The following DAP variants were observed in gnomAD, a reference collection of about 807,000 sequenced individuals.
The protein encoded by DAP is death-associated protein 1.
Under a neutral mutation model 13.8 loss-of-function variants are expected in DAP, and 8 were observed. That is an observed-to-expected ratio of 0.58 (90% CI 0.34 to 1.05). The LOEUF (loss-of-function observed/expected upper bound fraction) is 1.05. DAP is among the 50% of genes least tolerant of loss of function. DAP has a pLI of 0.03. For missense variants in DAP, 106 were observed against 133.2 expected, an observed-to-expected ratio of 0.80 and a Z score of 1.01; for synonymous variants, 47 against 47.5, an observed-to-expected ratio of 0.99 and a Z score of 0.04.
At chr5:10,749,982 C>T (rs1740006423) in intron 1 of DAP, among the ~76,000 whole-genome samples, 1 of 152,090 alleles carries the variant, frequency 6.6e-6, no homozygotes, top group Admixed American at 6.6e-5. Flanking sequence ...AGGAGATAAA[C>T]CTCCTCAGAC....
At chr5:10,760,938 AGCCCCCGCCCGGC>A in intron 1 of DAP, 63 bp downstream of exon 1, 2 of 958,506 alleles carry the variant, frequency 2.1e-6, no homozygotes, top group Non-Finnish European at 1.3e-6. Context: ...CTCCCCGCGG[AGCCCCCGCCCGGC>A]GCCCCCGGGT....
intron 2 of DAP, among the ~76,000 whole-genome samples, chr5:10,733,539 C>T (rs1359354201): frequency 6.6e-6 from 1 of 152,162 alleles, no homozygotes; most frequent in Admixed American, 6.5e-5. Context: ...AACTCTAAAT[C>T]TGCTGATTCT....
intron 2 of DAP, among the ~76,000 whole-genome samples, 155 bp from the exon 3 acceptor site, chr5:10,683,726 C>T (rs1387906714): frequency 1.3e-5 from 2 of 152,214 alleles, no homozygotes; most frequent in Non-Finnish European, 2.9e-5. Flanking sequence ...GTAATGATCA[C>T]ACTACGGGGC....
intron 2 of DAP, among the ~76,000 whole-genome samples, chr5:10,723,087 T>C (rs988596654): frequency 5.9e-5 from 9 of 152,194 alleles, no homozygotes; most frequent in Non-Finnish European, 8.8e-5. Flanking sequence ...TAGACAGATA[T>C]GCCTTATGTA....
rs572128423 is a variant in DAP, at chr5:10,694,719, G to A, written c.153-11148C>T. On this transcript the variant is annotated intron_variant, in intron 2 of 3. Coordinates refer to ENST00000230895, the MANE Select transcript of DAP (RefSeq NM_004394.3). ...TGCAGTGGGAGGACAGGGTACCCTC[G>A]ATCAGCTTCTGCCCATACAAAGTGA... Among the ~76,000 whole-genome samples the A allele has an allele frequency of 9.2e-5, 14 of 152,304 alleles. No individual in the cohort carries two copies. The East Asian group carries it at 9.7e-4, about 11-fold the overall frequency.
intron 2 of DAP, among the ~76,000 whole-genome samples, chr5:10,719,824 T>C (rs1739092057): frequency 1.3e-5 from 2 of 152,280 alleles, no homozygotes; most frequent in East Asian, 1.9e-4. Context: ...GAGTTCCCTA[T>C]GATCAGTTGG....
rs775120800 is a variant in DAP at position 10,680,968 on chromosome 5, A to G, written c.*88T>C. ...GCCTTAGATTTCCCAGCAGAGTAGG[A>G]TTTGGGCGAAACTGCTGGTTCTCTC... On this transcript the variant is annotated 3_prime_UTR_variant, in exon 4 of 4. Coordinates refer to ENST00000230895, the MANE Select transcript of DAP (RefSeq NM_004394.3). 3.4e-5 allele frequency: 52 copies of G among 1,544,668 alleles called. No homozygotes were observed. Among genetic ancestry groups the G allele is most frequent in the Non-Finnish European group, 4.4e-5 (51 of 1,147,052 alleles).
chr5:10,747,922 GC>G (rs10709249), intron 2 of DAP, among the ~76,000 whole-genome samples: 152,176 of 152,176 alleles, frequency 1, 76,088 homozygotes, highest in Non-Finnish European at 1. Flanking sequence ...CGGGGCACCA[GC>G]CCCTGGGTGT....
chr5:10,745,213 T>C (rs1426607986), intron 2 of DAP, among the ~76,000 whole-genome samples: 1 of 152,172 alleles, frequency 6.6e-6, no homozygotes, highest in Non-Finnish European at 1.5e-5. Context: ...TGGAGTGTGT[T>C]AGAAAAAGCT....
intron 2 of DAP, among the ~76,000 whole-genome samples, chr5:10,738,685 C>G (rs1009809863): frequency 6.6e-6 from 1 of 152,202 alleles, no homozygotes; most frequent in Non-Finnish European, 1.5e-5. Context: ...AAGGTATAAT[C>G]CTGGACTGAA....
At chr5:10,731,539 C>T (rs1221238139) in intron 2 of DAP, among the ~76,000 whole-genome samples, 1 of 152,184 alleles carries the variant, frequency 6.6e-6, no homozygotes, top group Non-Finnish European at 1.5e-5. Flanking sequence ...CTGTAAAGAC[C>T]TGGGCCACCT....
intron 2 of DAP, among the ~76,000 whole-genome samples, chr5:10,709,907 A>G (rs1052474040): frequency 6.6e-6 from 1 of 152,170 alleles, no homozygotes; most frequent in African/African-American, 2.4e-5. Flanking sequence ...GTATGGATTC[A>G]CCTGGGACTG....
At chr5:10,715,990 G>A (rs958463045) in intron 2 of DAP, among the ~76,000 whole-genome samples, 1 of 152,228 alleles carries the variant, frequency 6.6e-6, no homozygotes, top group Non-Finnish European at 1.5e-5. Context: ...GAGGATGTGA[G>A]TATCAACCCA....
At position 10,707,319 on chromosome 5, in the gene DAP, T is replaced by C. The variant is rs1483089229; in HGVS notation, c.153-23748A>G. ...TTGAGAGGCAGACATGTGGGTGGGT[T>C]CGGGAATGGGAGAACTGCCCAAGGG... On this transcript the variant is annotated intron_variant, in intron 2 of 3. Coordinates refer to ENST00000230895, the MANE Select transcript of DAP (RefSeq NM_004394.3). The surrounding 1 kb of genome is among the most constrained non-coding windows in gnomAD (Gnocchi z 4.0). Among the ~76,000 whole-genome samples, 2 of 152,176 alleles carry C rather than the reference T, an allele frequency of 1.3e-5. No homozygotes were observed. The highest frequency in any genetic ancestry group is 2.9e-5 in the Non-Finnish European group (2 of 68,036).
intron 2 of DAP, among the ~76,000 whole-genome samples, chr5:10,687,905 C>CTTTTTTTTTTT (rs1199947263): frequency 9.0e-6 from 1 of 110,668 alleles, no homozygotes. Flanking sequence ...TCATTGTTGT[C>CTTTTTTTTTTT]TTTTTTTTTT....
At chr5:10,748,140 G>A in intron 2 of DAP, 35 bp downstream of exon 2, 1 of 1,467,054 alleles carries the variant, frequency 6.8e-7, no homozygotes, top group African/African-American at 1.4e-5. Flanking sequence ...AGGGTTTTTG[G>A]AAAACATGCT....
At chr5:10,689,738 T>TG (rs1395726005) in intron 2 of DAP, among the ~76,000 whole-genome samples, 1 of 152,132 alleles carries the variant, frequency 6.6e-6, no homozygotes, top group African/African-American at 2.4e-5. Context: ...CTGGATGTGG[T>TG]GCTGGCGACT....
intron 2 of DAP, among the ~76,000 whole-genome samples, chr5:10,734,704 T>G (rs1485358841): frequency 6.6e-6 from 1 of 152,164 alleles, no homozygotes; most frequent in Non-Finnish European, 1.5e-5. Context: ...CCACAGGTGT[T>G]GGGAGAAATG....
At chr5:10,739,224 A>C (rs1354806865) in intron 2 of DAP, among the ~76,000 whole-genome samples, 1 of 130,372 alleles carries the variant, frequency 7.7e-6, no homozygotes, top group African/African-American at 3.0e-5. Flanking sequence ...AAAAAAAAAA[A>C]AAGAAAGAAA....
Sources: gnomAD v4.1 joint callset for allele counts (sites outside exome capture counted in the v4.1 genomes callset) on GRCh38, gnomAD v4.1.1 for gene constraint, Gnocchi (gnomAD v3.1) non-coding constraint, MANE v1.5 for transcripts, NCBI Gene and HGNC (gene_info 2026-07-23, HGNC 2026-07-21) for gene names.